The following NRXN1 variants were observed in gnomAD, a reference collection of about 807,000 sequenced individuals.
The protein encoded by NRXN1 is neurexin 1.
In NRXN1, 39 loss-of-function variants were observed where a neutral mutation model predicts 150.9. That is an observed-to-expected ratio of 0.26 (90% CI 0.20 to 0.34). The LOEUF is 0.34. Ranked by LOEUF, NRXN1 falls within the 10% of genes least tolerant of loss-of-function variation. The probability of loss-of-function intolerance (pLI) is 1.00; values close to 1 mark genes in which losing one functional copy is unlikely to be tolerated. For synonymous variants in NRXN1, 924 were observed against 757.0 expected (o/e 1.22, Z -3.62); for missense variants, 1,815 against 1,949.9 (o/e 0.93, Z 1.30).
At chr2:50,927,816 T>C (rs76096414) in intron 2 of NRXN1, among the ~76,000 whole-genome samples, 4,150 of 151,770 alleles carry the variant, frequency 0.027, 226 homozygotes, top group African/African-American at 0.095. Flanking sequence ...GACGGGCAAA[T>C]ATGGTTGTGA....
At chr2:50,714,093 T>C (rs1397865758) in intron 5 of NRXN1, among the ~76,000 whole-genome samples, 2 of 152,128 alleles carry the variant, frequency 1.3e-5, no homozygotes, top group Non-Finnish European at 2.9e-5. Context: ...TTAGAAAAGG[T>C]AGCAAGATAC....
intron 5 of NRXN1, among the ~76,000 whole-genome samples, chr2:50,715,626 T>C (rs577916485): frequency 6.6e-6 from 1 of 152,294 alleles, no homozygotes; most frequent in East Asian, 1.9e-4. Context: ...TGAATTTCCA[T>C]TCTACTCACT....
chr2:50,376,114 G>C (rs889544624), intron 17 of NRXN1, among the ~76,000 whole-genome samples: 1 of 151,348 alleles, frequency 6.6e-6, no homozygotes, highest in African/African-American at 2.4e-5. Flanking sequence ...AATGGTGAAA[G>C]GATCATCATT....
At chr2:50,246,975 A>G (rs927751248) in intron 17 of NRXN1, among the ~76,000 whole-genome samples, 2 of 152,026 alleles carry the variant, frequency 1.3e-5, no homozygotes, top group Non-Finnish European at 2.9e-5. Flanking sequence ...TGACTAATAC[A>G]CTCCTCAAGC....
At chr2:50,197,546 T>C (rs17507317) in intron 18 of NRXN1, among the ~76,000 whole-genome samples, 9,225 of 152,214 alleles carry the variant, frequency 0.061, 331 homozygotes, top group Middle Eastern at 0.11. Flanking sequence ...TACACTATTA[T>C]ATTTTGTGAT....
At chr2:50,619,193 T>C (rs1679541092) in intron 8 of NRXN1, 1 of 151,444 alleles carries the variant, frequency 6.6e-6, no homozygotes, top group African/African-American at 2.4e-5. Context: ...CAAAGTTATT[T>C]AACTTTGATG....
chr2:50,143,225 G>A (rs1238605055), intron 18 of NRXN1, among the ~76,000 whole-genome samples: 2 of 151,602 alleles, frequency 1.3e-5, no homozygotes, highest in Non-Finnish European at 2.9e-5. Context: ...AAAATGTAAT[G>A]CACCATGAAA....
intron 15 of NRXN1, among the ~76,000 whole-genome samples, chr2:50,488,762 T>A (rs1007859917): frequency 6.6e-6 from 1 of 152,224 alleles, no homozygotes; most frequent in South Asian, 2.1e-4. Context: ...AGGAAAACCC[T>A]GAAGATTTAA....
chr2:50,752,955 C>A (rs1292223521), intron 5 of NRXN1, among the ~76,000 whole-genome samples: 3 of 151,840 alleles, frequency 2.0e-5, no homozygotes, highest in Admixed American at 6.6e-5. Flanking sequence ...GCATTTAATT[C>A]TAATTTAATA....
At chr2:50,714,625 G>A (rs1559159506) in intron 5 of NRXN1, among the ~76,000 whole-genome samples, 1 of 152,272 alleles carries the variant, frequency 6.6e-6, no homozygotes, top group Non-Finnish European at 1.5e-5. Context: ...GGAGCTCAGA[G>A]TTGGAAACTG....
intron 17 of NRXN1, among the ~76,000 whole-genome samples, chr2:50,457,061 G>T: frequency 6.6e-6 from 1 of 152,144 alleles, no homozygotes; most frequent in Non-Finnish European, 1.5e-5. Context: ...TTATTTTTGA[G>T]AAACTCAGAA....
chr2:50,300,290 G>A (rs1338976442), intron 17 of NRXN1, among the ~76,000 whole-genome samples: 1 of 152,286 alleles, frequency 6.6e-6, no homozygotes, highest in East Asian at 1.9e-4. Context: ...AGATATCTTA[G>A]TTACAAACAA....
chr2:50,374,799 G>T (rs541422705), intron 17 of NRXN1, among the ~76,000 whole-genome samples: 1 of 152,204 alleles, frequency 6.6e-6, no homozygotes, highest in East Asian at 1.9e-4. Context: ...ATATTTTGTG[G>T]ATTTCAAATA....
intron 5 of NRXN1, among the ~76,000 whole-genome samples, chr2:50,692,976 G>A (rs1014150989): frequency 2.6e-5 from 4 of 152,164 alleles, no homozygotes; most frequent in Non-Finnish European, 5.9e-5. Context: ...TTGTAAATGA[G>A]AAGAGCTAAA....
At chr2:50,128,989 A>C (rs1705049873) in intron 18 of NRXN1, among the ~76,000 whole-genome samples, 1 of 149,492 alleles carries the variant, frequency 6.7e-6, no homozygotes, top group Non-Finnish European at 1.5e-5. Flanking sequence ...ATCTCAATAA[A>C]TAAATAAATA....
chr2:50,626,317 A>T (rs912544393), intron 5 of NRXN1, among the ~76,000 whole-genome samples: 6 of 152,056 alleles, frequency 3.9e-5, no homozygotes, highest in African/African-American at 1.4e-4. Flanking sequence ...AGAAAAAAAA[A>T]GAGTCCCAAA....
chr2:50,622,238 C>T (rs1680154934), intron 6 of NRXN1, among the ~76,000 whole-genome samples: 1 of 152,058 alleles, frequency 6.6e-6, no homozygotes, highest in Non-Finnish European at 1.5e-5. Flanking sequence ...CTTAGCTAGA[C>T]TAAATCTACA....
At chr2:50,880,156 G>A (rs1679212600) in intron 5 of NRXN1, among the ~76,000 whole-genome samples, 1 of 151,888 alleles carries the variant, frequency 6.6e-6, no homozygotes, top group Admixed American at 6.6e-5. Context: ...AAGAAGCTGG[G>A]TTTTTTCCCT....
chr2:50,192,956 TA>T (rs925729974), intron 18 of NRXN1, among the ~76,000 whole-genome samples: 7 of 152,310 alleles, frequency 4.6e-5, no homozygotes, highest in Middle Eastern at 3.4e-3. Context: ...TACATATTTT[TA>T]AAGGGGCATT....
Sources: gnomAD v4.1 joint callset for allele counts (sites outside exome capture counted in the v4.1 genomes callset) on GRCh38, gnomAD v4.1.1 for gene constraint, MANE v1.5 for transcripts, NCBI Gene and HGNC (gene_info 2026-07-23, HGNC 2026-07-21) for gene names.